CARD6: variants seen among roughly 807,000 people sequenced by gnomAD.
The protein encoded by CARD6 is caspase recruitment domain family member 6.
CARD6 carries 27 observed loss-of-function variants against 23.6 expected under a neutral mutation model. The observed-to-expected ratio is 1.14, with a 90% confidence interval of 0.84 to 1.58. The LOEUF (loss-of-function observed/expected upper bound fraction) is 1.58. CARD6 is among the 40% of genes most tolerant of loss of function. The probability of loss-of-function intolerance (pLI) is 0.00; values close to 1 mark genes in which losing one functional copy is unlikely to be tolerated. For synonymous variants in CARD6, 397 were observed against 431.8 expected (o/e 0.92, Z 1.00); for missense variants, 1,214 against 1,209.9 (o/e 1.00, Z -0.05).
At position 40,852,341 on chromosome 5, in the gene CARD6, G is replaced by C. The variant is rs1428435581; in HGVS notation, c.1009G>C (p.Asp337His). Residue 337 changes from aspartate to histidine, a missense_variant, in exon 3 of 3, where the codon GAT becomes CAT. By Grantham distance (81) the Asp-to-His change is moderately conservative (BLOSUM62 -1). Transcript: ENST00000254691. The part of the protein sequence containing the change: ...WNFLMKVQAR[D>H]VTARDSILSH... ...TTTCCTGATGAAAGTTCAAGCACGAGATGTGACGGCTAGGGATTCAATCCT... is the reference window on the plus strand; with the variant it reads ...TTTCCTGATGAAAGTTCAAGCACGACATGTGACGGCTAGGGATTCAATCCT... 1.2e-6 allele frequency: 2 copies of C among 1,614,136 alleles called. No individual in the cohort carries two copies. The highest frequency in any genetic ancestry group is 1.7e-6 in the Non-Finnish European group (2 of 1,180,014).
rs1345097606 is a variant in CARD6, at chr5:40,843,176, T to C, written c.308T>C (p.Val103Ala). The change falls in exon 2 of 3, where the codon GTA becomes GCA. Residue 103 changes from valine (V) to alanine (A), a missense_variant. By Grantham distance (64) the Val-to-Ala change is moderately conservative. Transcript: ENST00000254691. ...RHEVLKHENTVPPQSMGASSN... is the reference protein window; with the variant it reads ...RHEVLKHENTAPPQSMGASSN... ...GAAGTTTTAAAACATGAGAATACAG[T>C]ACCTCCTCAATCTATGGGGGCAAGC... The C allele has an allele frequency of 1.2e-6, 2 of 1,600,930 alleles. No homozygotes were observed. The highest frequency in any genetic ancestry group is 3.6e-5 in the Admixed American group (2 of 55,704).
rs764158048 is a variant in CARD6, at chr5:40,841,454, T to G, written c.72T>G (p.His24Gln). ...AAAAGTTGCTTGAAATCCTTCAACA[T>G]GATCCTGATTCTATCTTAGACACGT... ...ERKKLLEILQ[H>Q]DPDSILDTLT... Residue 24 changes from histidine (H) to glutamine (Q), a missense_variant, in exon 1 of 3, where the codon CAT (histidine) becomes CAG (glutamine). Coordinates refer to ENST00000254691, the MANE Select transcript of CARD6 (RefSeq NM_032587.4). 24 of 1,613,774 alleles carry G rather than the reference T, an allele frequency of 1.5e-5. No homozygotes were observed. In the South Asian group the frequency reaches 2.6e-4, roughly 18 times the overall value.
In CARD6 at chr5:40,853,780, G is replaced by A; in HGVS notation, c.2448G>A (p.Gly816=). 6.2e-7 allele frequency: 1 copy of A among 1,614,204 alleles called. No homozygotes were observed. The highest frequency in any genetic ancestry group is 1.1e-5 in the South Asian group (1 of 91,086). Residue 816 remains glycine, a synonymous_variant, in exon 3 of 3, where the codon GGG becomes GGA. Coordinates refer to ENST00000254691, the MANE Select transcript of CARD6 (RefSeq NM_032587.4). The part of the protein sequence containing the change: ...ARGCHSNGTF[G]RLPRPICQHV... Reference sequence around the variant, plus strand: ...GATGTCACTCGAATGGAACATTTGGGAGACTGCCAAGACCCATTTGTCAGC... The same window carrying A: ...GATGTCACTCGAATGGAACATTTGGAAGACTGCCAAGACCCATTTGTCAGC...
In CARD6 at chr5:40,853,389, G is replaced by T; in HGVS notation, c.2057G>T (p.Arg686Ile). The stretch of plus-strand genomic sequence containing the variant: ...ACAGCTGAAGGTGAGGGTCAGCAAA[G>T]ACACAGTCAGCTAAAAAGCTCATCT... Reference protein sequence around the residue: ...AGTAEGEGQQRHSQLKSSSKS... With the variant: ...AGTAEGEGQQIHSQLKSSSKS... The change falls in exon 3 of 3, where the codon AGA (arginine) becomes ATA (isoleucine). Residue 686 changes from arginine (R) to isoleucine (I), a missense_variant. Arg to Ile is a moderately conservative substitution (Grantham distance 97). Transcript: ENST00000254691. The T allele has an allele frequency of 6.2e-7, 1 of 1,614,124 alleles. No individual in the cohort carries two copies. Among genetic ancestry groups the T allele is most frequent in the Non-Finnish European group, 8.5e-7 (1 of 1,180,036 alleles).
chr5:40,846,587 A>T (rs1745971532), intron 2 of CARD6, among the ~76,000 whole-genome samples: 1 of 152,144 alleles, frequency 6.6e-6, no homozygotes, highest in African/African-American at 2.4e-5. Flanking sequence ...TGGAGGTGCT[A>T]GGAAAGGATT....
chr5:40,852,967 T>G lies in CARD6; in HGVS notation c.1635T>G (p.Phe545Leu). Residue 545 changes from phenylalanine (F) to leucine (L), a missense_variant, in exon 3 of 3, where the codon TTT becomes TTG. Coordinates refer to ENST00000254691, the MANE Select transcript of CARD6 (RefSeq NM_032587.4). Reference protein sequence around the residue: ...NLESFWTQFGFLMEVSSAVFF... With the variant: ...NLESFWTQFGLLMEVSSAVFF... ...AAAGCTTTTGGACTCAGTTTGGTTT[T>G]TTGATGGAAGTTTCTTCAGCTGTGT... 1 of 1,614,212 alleles carries G rather than the reference T, an allele frequency of 6.2e-7. No homozygotes were observed. Among genetic ancestry groups the G allele is most frequent in the Non-Finnish European group, 8.5e-7 (1 of 1,180,038 alleles).
At chr5:40,844,954 G>A (rs536201318) in intron 2 of CARD6, among the ~76,000 whole-genome samples, 55 of 146,714 alleles carry the variant, frequency 3.7e-4, no homozygotes, top group South Asian at 2.2e-3. Flanking sequence ...TGTACCCTCC[G>A]CCTCCCGGGT....
chr5:40,853,251 G>A lies in CARD6; in HGVS notation c.1919G>A (p.Cys640Tyr). Residue 640 changes from cysteine (C) to tyrosine (Y), a missense_variant, in exon 3 of 3, where the codon TGT (cysteine) becomes TAT (tyrosine). Transcript: ENST00000254691. ...GTGATGTTCTCTTCTTGCCTCAGATGTGTGTCTGTGGAGGATATGGCCGCC... is the reference window on the plus strand; with the variant it reads ...GTGATGTTCTCTTCTTGCCTCAGATATGTGTCTGTGGAGGATATGGCCGCC... ...QEVMFSSCLR[C>Y]VSVEDMAALA... is the part of the protein sequence containing the mutation. 6.2e-7 allele frequency: 1 copy of A among 1,614,206 alleles called. No homozygotes were observed. Among genetic ancestry groups the A allele is most frequent in the Non-Finnish European group, 8.5e-7 (1 of 1,180,032 alleles).
chr5:40,842,651 A>T (rs1561212486), intron 1 of CARD6, among the ~76,000 whole-genome samples: 1 of 147,822 alleles, frequency 6.8e-6, no homozygotes, highest in East Asian at 2.0e-4. Context: ...GTGTGATCTG[A>T]TTTTTTTTTT....
chr5:40,852,349 G>C lies in CARD6; in HGVS notation c.1017G>C (p.Thr339=), dbSNP rs188934. ...TGAAAGTTCAAGCACGAGATGTGAC[G>C]GCTAGGGATTCAATCCTCAGTCACA... ...FLMKVQARDV[T]ARDSILSHKV... Residue 339 remains threonine, a synonymous_variant, in exon 3 of 3, where the codon ACG becomes ACC. Coordinates refer to ENST00000254691, the MANE Select transcript of CARD6 (RefSeq NM_032587.4). 8.1e-5 allele frequency: 131 copies of C among 1,614,090 alleles called. 1 individual carries two copies. In the East Asian group the frequency reaches 2.7e-3, roughly 34 times the overall value.
intron 2 of CARD6, among the ~76,000 whole-genome samples, chr5:40,850,454 C>G (rs1451767522): frequency 7.2e-6 from 1 of 138,724 alleles, no homozygotes; most frequent in Non-Finnish European, 1.5e-5. Context: ...GTGGCTCACA[C>G]CTGTAATCCT....
rs769246378 is a variant in CARD6, at chr5:40,854,282, C to A, written c.2950C>A (p.Pro984Thr). ...SCQSQPSQTK[P>T]SPCKSTQPKP... ...TCAGTCCCAGCCCTCCCAAACTAAA[C>A]CTTCTCCATGCAAATCTACTCAGCC... The change falls in exon 3 of 3, where the codon CCT becomes ACT. Residue 984 changes from proline to threonine, a missense_variant. Pro to Thr is a conservative substitution (Grantham distance 38). Coordinates refer to ENST00000254691, the MANE Select transcript of CARD6 (RefSeq NM_032587.4). 3 of 1,614,028 alleles carry A rather than the reference C, an allele frequency of 1.9e-6. No homozygotes were observed. The highest frequency in any genetic ancestry group is 1.3e-5 in the African/African-American group (1 of 74,906).
rs1442712317 is a variant in CARD6, at chr5:40,854,949, T to C, written c.*503T>C. 1.3e-5 allele frequency: 2 copies of C among 154,996 alleles called. No homozygotes were observed. Among genetic ancestry groups the C allele is most frequent in the African/African-American group, 4.8e-5 (2 of 41,426 alleles). 9.6% of individuals were successfully genotyped at this position (154,996 alleles called of 1,614,324 possible). A position where few individuals can be genotyped will look rare whatever the true frequency, so the allele number is the denominator to read the frequency against. On this transcript the variant is annotated 3_prime_UTR_variant, in exon 3 of 3. Coordinates refer to ENST00000254691, the MANE Select transcript of CARD6 (RefSeq NM_032587.4). ...ATATCCCTAACCAAGAAGAAAAATA[T>C]GAAAATAATTAAGACTAGAATCAAG...
rs778868375 is a variant in CARD6, at chr5:40,853,814, G to T, written c.2482G>T (p.Ala828Ser). The T allele has an allele frequency of 8.7e-6, 14 of 1,614,176 alleles. No homozygotes were observed. The highest frequency in any genetic ancestry group is 1.6e-4 in the Middle Eastern group (1 of 6,062). Residue 828 changes from alanine to serine, a missense_variant, in exon 3 of 3, where the codon GCC becomes TCC. Ala to Ser is a moderately conservative substitution (Grantham distance 99). Transcript: ENST00000254691. ...LPRPICQHVQ[A>S]CPERPQMMGT... ...AAGACCCATTTGTCAGCATGTACAG[G>T]CCTGCCCTGAGAGACCACAAATGAT...
intron 1 of CARD6, among the ~76,000 whole-genome samples, 174 bp from the exon 2 acceptor site, chr5:40,842,978 C>T (rs1404462655): frequency 6.6e-6 from 1 of 152,174 alleles, no homozygotes; most frequent in African/African-American, 2.4e-5. Flanking sequence ...GTTGAGGTTG[C>T]AGTGAGCCCA....
At position 40,852,396 on chromosome 5, in the gene CARD6, A is replaced by G. The variant is rs1463968531; in HGVS notation, c.1064A>G (p.Lys355Arg). Residue 355 changes from lysine (K) to arginine (R), a missense_variant, in exon 3 of 3, where the codon AAG (lysine) becomes AGG (arginine). Physicochemically the swap from Lys to Arg is conservative, Grantham distance 26. Coordinates refer to ENST00000254691, the MANE Select transcript of CARD6 (RefSeq NM_032587.4). ...CACAAGGTTCTGGATGAAGATAGCA[A>G]GGAGGATTTGCTGGCTGGAGTGGAG... ...LSHKVLDEDSKEDLLAGVENL... is the reference protein window; with the variant it reads ...LSHKVLDEDSREDLLAGVENL... The G allele has an allele frequency of 6.2e-7, 1 of 1,614,052 alleles. No homozygotes were observed. The highest frequency in any genetic ancestry group is 8.5e-7 in the Non-Finnish European group (1 of 1,180,022).
At chr5:40,850,951 A>C (rs1351334320) in intron 2 of CARD6, among the ~76,000 whole-genome samples, 1 of 152,134 alleles carries the variant, frequency 6.6e-6, no homozygotes, top group East Asian at 1.9e-4. Flanking sequence ...ATCAGTATAT[A>C]TGCTGACTTG....
intron 2 of CARD6, among the ~76,000 whole-genome samples, chr5:40,845,712 T>C (rs1182155057): frequency 6.6e-6 from 1 of 152,196 alleles, no homozygotes; most frequent in Non-Finnish European, 1.5e-5. Flanking sequence ...GCAGTGCATC[T>C]CTTACATATT....
intron 2 of CARD6, among the ~76,000 whole-genome samples, chr5:40,844,420 G>T (rs1444342731): frequency 2.0e-5 from 3 of 152,012 alleles, no homozygotes; most frequent in Admixed American, 2.0e-4. Flanking sequence ...TTGTAAAGAT[G>T]GGATTTTGCC....
Sources: gnomAD v4.1 joint callset for allele counts (sites outside exome capture counted in the v4.1 genomes callset) on GRCh38, gnomAD v4.1.1 for gene constraint, MANE v1.5 for transcripts, NCBI Gene and HGNC (gene_info 2026-07-23, HGNC 2026-07-21) for gene names.